Variants in RNF157 observed in about 807,000 individuals in gnomAD.
The protein encoded by RNF157 is ring finger protein 157.
Under a neutral mutation model 88.3 loss-of-function variants are expected in RNF157, and 55 were observed. The ratio of observed to expected loss-of-function variants is 0.62; its 90% CI spans 0.50 to 0.78. The LOEUF is 0.78. Ranked by LOEUF, RNF157 falls within the 30% of genes least tolerant of loss-of-function variation. The pLI, the probability that RNF157 is intolerant of heterozygous loss-of-function variation, is 0.00. For missense variants in RNF157, 788 were observed against 860.8 expected (o/e 0.92, Z 1.06); for synonymous variants, 334 against 341.2 (o/e 0.98, Z 0.23).
intron 14 of RNF157, among the ~76,000 whole-genome samples, chr17:76,156,008 A>G (rs1000583594): frequency 1.3e-5 from 2 of 152,194 alleles, no homozygotes; most frequent in Non-Finnish European, 2.9e-5. Context: ...GGGCTGAGAG[A>G]ATTAACACCC....
intron 1 of RNF157, chr17:76,226,173 C>T (rs2070081103): frequency 3.7e-6 from 6 of 1,606,890 alleles, no homozygotes; most frequent in Middle Eastern, 1.7e-4. Context: ...GAAGGGGTGT[C>T]TTCCTCCTTT....
At chr17:76,209,035 A>G (rs1211586450) in intron 2 of RNF157, among the ~76,000 whole-genome samples, 1 of 152,116 alleles carries the variant, frequency 6.6e-6, no homozygotes, top group Non-Finnish European at 1.5e-5. Flanking sequence ...ATTACTACAT[A>G]AAAGCAACAA....
At chr17:76,175,669 G>T in intron 2 of RNF157, 1 of 692,794 alleles carries the variant, frequency 1.4e-6, no homozygotes, top group Non-Finnish European at 1.8e-6. Flanking sequence ...ATGACTTTGG[G>T]ATTAAAATTT....
chr17:76,150,901 C>T (rs959932023), intron 18 of RNF157, among the ~76,000 whole-genome samples: 19 of 152,322 alleles, frequency 1.2e-4, no homozygotes, highest in Admixed American at 1.1e-3. Flanking sequence ...AGTGCTGGCA[C>T]GGAGTGAACA....
intron 2 of RNF157, among the ~76,000 whole-genome samples, chr17:76,175,513 C>A (rs77318707): frequency 0.012 from 1,779 of 152,288 alleles, 29 homozygotes; most frequent in African/African-American, 0.04. Flanking sequence ...TAGTTCAGAT[C>A]CCATCTGTGG....
At chr17:76,158,627 A>C in intron 12 of RNF157, 126 bp from the exon 13 acceptor site, 1 of 654,084 alleles carries the variant, frequency 1.5e-6, no homozygotes, top group Non-Finnish European at 2.8e-6. Context: ...ACAGCATCTC[A>C]TTATGTTTCC....
intron 2 of RNF157, among the ~76,000 whole-genome samples, chr17:76,188,300 T>G (rs1354358862): frequency 6.6e-6 from 1 of 152,108 alleles, no homozygotes; most frequent in East Asian, 1.9e-4. Flanking sequence ...CACCCATCAC[T>G]TCTCAGCCCA....
chr17:76,148,153 G>T (rs1429088675), intron 18 of RNF157, among the ~76,000 whole-genome samples: 1 of 151,942 alleles, frequency 6.6e-6, no homozygotes, highest in Non-Finnish European at 1.5e-5. Flanking sequence ...TCAATTTCAG[G>T]TCTCCACAAA....
Position 76,158,359 on chromosome 17 carries a change from C to T in RNF157, c.1413+34G>A, listed in dbSNP as rs1279471996. The T allele has an allele frequency of 2.3e-5, 34 of 1,455,690 alleles. No homozygotes were observed. In the East Asian group the frequency reaches 7.8e-4, roughly 33 times the overall value. 90.2% of individuals were successfully genotyped at this position (1,455,690 alleles called of 1,614,324 possible). A position where few individuals can be genotyped will look rare whatever the true frequency, so the allele number is the denominator to read the frequency against. On this transcript the variant is annotated intron_variant, in intron 13 of 18. Transcript: ENST00000269391. ...AGGTAGGAGGGAAGTCCCTGGAGTA[C>T]AACACCCAAGAAGAGGAGAGGAATG...
At position 76,155,546 on chromosome 17, in the gene RNF157, C is replaced by T; in HGVS notation, c.1698+16G>A. On this transcript the variant is annotated intron_variant, in intron 15 of 18. Transcript: ENST00000269391. ...AAGAACAGAGAAGCCAGGGCGGTTCCCGTCCCTTCCCTTACCTCTCCTTCT... is the reference window on the plus strand; with the variant it reads ...AAGAACAGAGAAGCCAGGGCGGTTCTCGTCCCTTCCCTTACCTCTCCTTCT... 6.2e-7 allele frequency: 1 copy of T among 1,609,362 alleles called. No individual in the cohort carries two copies. The highest frequency in any genetic ancestry group is 8.5e-7 in the Non-Finnish European group (1 of 1,178,518).
In RNF157 at chr17:76,167,136, C is replaced by T; in HGVS notation, c.444-10G>A. The T allele has an allele frequency of 6.2e-7, 1 of 1,605,412 alleles. No homozygotes were observed. The highest frequency in any genetic ancestry group is 1.1e-5 in the South Asian group (1 of 90,588). ...GTCTTTGGGAATGTAGCTATTGATA[C>T]AAGTGGGAGGCAAAGCAAAAGTCAG... On this transcript the variant is annotated splice_polypyrimidine_tract_variant and intron_variant, in intron 4 of 18. Coordinates refer to ENST00000269391, the MANE Select transcript of RNF157 (RefSeq NM_052916.3).
intron 2 of RNF157, among the ~76,000 whole-genome samples, chr17:76,192,894 C>T (rs2069410868): frequency 6.8e-6 from 1 of 147,880 alleles, no homozygotes; most frequent in South Asian, 2.1e-4. Context: ...AGGGTGACTG[C>T]GATGGCCATC....
At chr17:76,223,902 G>A (rs2070032107) in intron 1 of RNF157, among the ~76,000 whole-genome samples, 1 of 152,214 alleles carries the variant, frequency 6.6e-6, no homozygotes, top group Non-Finnish European at 1.5e-5. Flanking sequence ...CAACTTTGCA[G>A]AGCACCATCA....
chr17:76,239,520 G>T (rs1052305248), intron 1 of RNF157, among the ~76,000 whole-genome samples: 1 of 151,838 alleles, frequency 6.6e-6, no homozygotes, highest in Non-Finnish European at 1.5e-5. Flanking sequence ...AAACATTTCT[G>T]TTACTTTCCA....
rs1256076008 is a variant in RNF157 at position 76,162,471 on chromosome 17, G to A, written c.792+81C>T. ...CCTAACTGATTTCAGAGTTTGGCAC[G>A]CTAAATTTCTGGACGCTGGCTTACG... On this transcript the variant is annotated intron_variant, in intron 9 of 18. Transcript: ENST00000269391. 4.3e-5 allele frequency: 43 copies of A among 1,007,538 alleles called. No homozygotes were observed. In the East Asian group the frequency reaches 7.5e-4, roughly 18 times the overall value. 62.4% of individuals were successfully genotyped at this position (1,007,538 alleles called of 1,614,324 possible).
chr17:76,239,312 T>A (rs2070333257), intron 1 of RNF157, among the ~76,000 whole-genome samples: 1 of 152,190 alleles, frequency 6.6e-6, no homozygotes, highest in South Asian at 2.1e-4. Context: ...GCTGTCAAAA[T>A]CCTCCTCCAC....
chr17:76,181,301 G>A lies in RNF157; in HGVS notation c.208-7511C>T, dbSNP rs114479624. Among the ~76,000 whole-genome samples the A allele has an allele frequency of 7.1e-3, 1,076 of 152,220 alleles. 12 individuals carry two copies. The highest frequency in any genetic ancestry group is 0.02 in the African/African-American group (849 of 41,526). ...AAGCTAGCCAAAAATCTCCAATGGC[G>A]CCCTATGCTTAGATGGCAGTATGTA... On this transcript the variant is annotated intron_variant, in intron 2 of 18. Transcript: ENST00000269391.
intron 17 of RNF157, chr17:76,153,377 G>C (rs1220810145): frequency 6.6e-6 from 1 of 152,298 alleles, no homozygotes; most frequent in Non-Finnish European, 1.5e-5. Flanking sequence ...CCAGGTGGGA[G>C]CCGTCAGGTC....
chr17:76,165,410 C>T, intron 7 of RNF157, 92 bp downstream of exon 7: 1 of 1,321,524 alleles, frequency 7.6e-7, no homozygotes, highest in Non-Finnish European at 1.1e-6. Flanking sequence ...ACCCATTCTG[C>T]TGAGCTCAGG....
Sources: gnomAD v4.1 joint callset for allele counts (sites outside exome capture counted in the v4.1 genomes callset) on GRCh38, gnomAD v4.1.1 for gene constraint, MANE v1.5 for transcripts, NCBI Gene and HGNC (gene_info 2026-07-23, HGNC 2026-07-21) for gene names.